The following ROBO2 variants were observed in gnomAD, a reference collection of about 807,000 sequenced individuals.
The protein encoded by ROBO2 is roundabout guidance receptor 2.
Under a neutral mutation model 160.8 loss-of-function variants are expected in ROBO2, and 53 were observed. That is an observed-to-expected ratio of 0.33 (90% CI 0.26 to 0.41). ROBO2 has a LOEUF of 0.41. Among genes scored for constraint, ROBO2 ranks in the 10% least tolerant of loss-of-function variants. The pLI, the probability that ROBO2 is intolerant of heterozygous loss-of-function variation, is 1.00. For missense variants in ROBO2, 1,577 were observed against 1,722.4 expected, an observed-to-expected ratio of 0.92 and a Z score of 1.49; for synonymous variants, 664 against 611.7, an observed-to-expected ratio of 1.09 and a Z score of -1.26.
chr3:76,058,589 C>CAGAAACT (rs2067940820), intron 2 of ROBO2, among the ~76,000 whole-genome samples: 1 of 48,860 alleles, frequency 2.0e-5, no homozygotes, highest in African/African-American at 9.5e-5. Flanking sequence ...ACAGCAGAAA[C>CAGAAACT]TTTTTTTTTT....
At chr3:77,595,538 T>C (rs2094282893) in intron 18 of ROBO2, among the ~76,000 whole-genome samples, 1 of 152,210 alleles carries the variant, frequency 6.6e-6, no homozygotes. Flanking sequence ...AGTGAACAAT[T>C]ACACATAATC....
intron 2 of ROBO2, among the ~76,000 whole-genome samples, chr3:76,623,644 A>T (rs1416035339): frequency 6.6e-6 from 1 of 152,218 alleles, no homozygotes; most frequent in African/African-American, 2.4e-5. Context: ...TTAAACAGGC[A>T]CAATTTTGTC....
intron 2 of ROBO2, among the ~76,000 whole-genome samples, chr3:76,786,881 AT>A (rs1225209247): frequency 6.6e-6 from 1 of 151,404 alleles, no homozygotes; most frequent in African/African-American, 2.4e-5. Context: ...GAGCTACCTG[AT>A]AAATTTCTAA....
intron 1 of ROBO2, among the ~76,000 whole-genome samples, chr3:77,048,471 G>A (rs932771828): frequency 1.3e-5 from 2 of 152,182 alleles, no homozygotes; most frequent in African/African-American, 4.8e-5. Context: ...CAATTTGTTA[G>A]CAAGTAGACC....
intron 2 of ROBO2, among the ~76,000 whole-genome samples, chr3:76,135,536 C>T (rs1453233487): frequency 6.6e-6 from 1 of 152,004 alleles, no homozygotes; most frequent in Non-Finnish European, 1.5e-5. Context: ...TAATTTTGTT[C>T]AGTAAAGGGA....
intron 2 of ROBO2, among the ~76,000 whole-genome samples, chr3:77,021,746 T>G (rs796294653): frequency 1.3e-5 from 2 of 152,188 alleles, no homozygotes; most frequent in Non-Finnish European, 2.9e-5. Flanking sequence ...AATGCTGTTA[T>G]TGTGGGAGTG....
rs942916514 is a variant in ROBO2 at position 77,348,937 on chromosome 3, C to T, written c.389-128477C>T. Among the ~76,000 whole-genome samples, 9 of 150,718 alleles carry T rather than the reference C, an allele frequency of 6.0e-5. No homozygotes were observed. The East Asian group carries it at 1.7e-3, about 29-fold the overall frequency. ...ATTTGTCTGGCTCTCTCACTTTCTT[C>T]ACTTCTTCTCCCGAAAAGCTTCTTC... is the stretch of plus-strand genomic sequence containing the variant. On this transcript the variant is annotated intron_variant, in intron 2 of 25. Coordinates refer to ENST00000461745, the Ensembl canonical transcript of ROBO2.
At chr3:76,722,084 G>T (rs251555) in intron 2 of ROBO2, among the ~76,000 whole-genome samples, 4 of 151,994 alleles carry the variant, frequency 2.6e-5, no homozygotes, top group Admixed American at 6.5e-5. Flanking sequence ...AAAAATTGAA[G>T]GCAGGAAAGA....
intron 2 of ROBO2, among the ~76,000 whole-genome samples, chr3:76,371,096 A>G (rs2076077027): frequency 6.6e-6 from 1 of 151,890 alleles, no homozygotes; most frequent in Middle Eastern, 3.2e-3. Context: ...AAGTGAATCC[A>G]AGTATGTGAG....
intron 2 of ROBO2, among the ~76,000 whole-genome samples, chr3:77,377,073 T>A (rs1319637298): frequency 6.6e-6 from 1 of 152,200 alleles, no homozygotes; most frequent in Non-Finnish European, 1.5e-5. Context: ...ATCAATTATG[T>A]GGTGATTTGT....
chr3:76,361,159 A>G (rs2075494451), intron 2 of ROBO2, among the ~76,000 whole-genome samples: 1 of 152,084 alleles, frequency 6.6e-6, no homozygotes, highest in Non-Finnish European at 1.5e-5. Flanking sequence ...AAGTAAAAAT[A>G]GAACAGTCTA....
intron 2 of ROBO2, among the ~76,000 whole-genome samples, chr3:76,569,473 GA>G (rs1329124133): frequency 6.6e-6 from 1 of 152,106 alleles, no homozygotes; most frequent in Non-Finnish European, 1.5e-5. Flanking sequence ...AATTGTATGG[GA>G]AAAACATCAG....
At chr3:76,529,773 C>T (rs776447718) in intron 2 of ROBO2, among the ~76,000 whole-genome samples, 9 of 152,260 alleles carry the variant, frequency 5.9e-5, no homozygotes, top group South Asian at 4.1e-4. Flanking sequence ...TCCGTCCGTT[C>T]AAATCTTATT....
At chr3:76,208,588 C>A (rs749577346) in intron 2 of ROBO2, among the ~76,000 whole-genome samples, 1 of 152,036 alleles carries the variant, frequency 6.6e-6, no homozygotes, top group Admixed American at 6.6e-5. Context: ...AAAATGTGAA[C>A]GCTAAAGTAA....
intron 2 of ROBO2, among the ~76,000 whole-genome samples, chr3:76,797,250 TCTC>T (rs1409209139): frequency 6.6e-6 from 1 of 152,138 alleles, no homozygotes; most frequent in Non-Finnish European, 1.5e-5. Flanking sequence ...TCAAGATTCT[TCTC>T]TGACCACAAT....
intron 6 of ROBO2, among the ~76,000 whole-genome samples, chr3:77,539,040 C>G (rs1339185836): frequency 2.0e-5 from 3 of 152,138 alleles, no homozygotes; most frequent in Non-Finnish European, 4.4e-5. Flanking sequence ...GCCTCAGCCT[C>G]CTGAGGAGCC....
Position 77,433,192 on chromosome 3 carries a change from G to A in ROBO2, c.389-44222G>A, listed in dbSNP as rs141524124. On this transcript the variant is annotated intron_variant, in intron 2 of 25. Coordinates refer to ENST00000461745, the Ensembl canonical transcript of ROBO2. Reference sequence around the variant, plus strand: ...GCAGACATGAGTTGATTTTTCAAAGGTTTAGTCTTGGTCAGGAGCCAATAG... The same window carrying A: ...GCAGACATGAGTTGATTTTTCAAAGATTTAGTCTTGGTCAGGAGCCAATAG... Among the ~76,000 whole-genome samples the A allele has an allele frequency of 2.7e-3, 410 of 152,022 alleles. 1 individual carries two copies. The highest frequency in any genetic ancestry group is 9.3e-3 in the African/African-American group (385 of 41,522).
At chr3:76,328,475 G>A (rs1336574453) in intron 2 of ROBO2, among the ~76,000 whole-genome samples, 4 of 152,126 alleles carry the variant, frequency 2.6e-5, no homozygotes, top group African/African-American at 7.2e-5. Flanking sequence ...TATAAAATAT[G>A]TTATTAGTTT....
chr3:76,887,060 C>T (rs752551226), intron 2 of ROBO2, among the ~76,000 whole-genome samples: 1 of 152,090 alleles, frequency 6.6e-6, no homozygotes, highest in Non-Finnish European at 1.5e-5. Context: ...TATTTATTGA[C>T]AGATTTAAAG....
Sources: gnomAD v4.1 joint callset for allele counts (sites outside exome capture counted in the v4.1 genomes callset) on GRCh38, gnomAD v4.1.1 for gene constraint, MANE v1.5 for transcripts, NCBI Gene and HGNC (gene_info 2026-07-23, HGNC 2026-07-21) for gene names.